FIGLA: variants seen among roughly 807,000 people sequenced by gnomAD.
FIGLA encodes the protein folliculogenesis specific bHLH transcription factor, also known as factor in the germline alpha.
A neutral mutation model predicts 21.5 loss-of-function variants in FIGLA; 17 were observed. The observed-to-expected ratio is 0.79, with a 90% CI of 0.54 to 1.19. The LOEUF (loss-of-function observed/expected upper bound fraction) is 1.19, where lower values mean the gene tolerates loss of function less well. Ranked by LOEUF, FIGLA falls within the 50% of genes most tolerant of loss-of-function variation. The pLI is 0.00. For missense variants in FIGLA, 282 were observed against 285.0 expected, an observed-to-expected ratio of 0.99 and a Z score of 0.08; for synonymous variants, 129 against 117.6, an observed-to-expected ratio of 1.10 and a Z score of -0.63.
At chr2:70,785,287 C>A (rs1464349614) in intron 3 of FIGLA, 128 bp downstream of exon 3, 4 of 827,898 alleles carry the variant, frequency 4.8e-6, no homozygotes, top group Non-Finnish European at 7.6e-6. Context: ...CCCCACTGCC[C>A]CACCCAAAGG....
Position 70,790,610 on chromosome 2 carries a change from G to C in FIGLA, c.29C>G (p.Pro10Arg), listed in dbSNP as rs1247413611. The change falls in exon 1 of 5, where the codon CCC becomes CGC. Residue 10 changes from proline to arginine, a missense_variant. Physicochemically the swap from Pro to Arg is moderately radical, Grantham distance 103. Coordinates refer to ENST00000332372, the MANE Select transcript of FIGLA (RefSeq NM_001004311.3). ...CAGGAGCGCGGGCGGCGCGGCGCGGGGATCTAGGACGCCGGGCGCGGGGTC... is the reference window on the plus strand; with the variant it reads ...CAGGAGCGCGGGCGGCGCGGCGCGGCGATCTAGGACGCCGGGCGCGGGGTC... MDPAPGVLD[P>R]RAAPPALLGT... is the part of the protein sequence containing the mutation. 1.4e-6 allele frequency: 2 copies of C among 1,457,710 alleles called. No individual in the cohort carries two copies. The highest frequency in any genetic ancestry group is 5.7e-5 in the East Asian group (2 of 34,908). The allele number at this position is 1,457,710 out of a possible 1,614,324, so 90.3% of individuals were successfully genotyped here.
intron 3 of FIGLA, among the ~76,000 whole-genome samples, chr2:70,780,174 A>G (rs1675829044): frequency 6.6e-6 from 1 of 152,048 alleles, no homozygotes; most frequent in Admixed American, 6.5e-5. Flanking sequence ...CATGCACTTC[A>G]TTTGGGACTT....
rs992297731 is a variant in FIGLA, at chr2:70,790,442, C to T, written c.197G>A (p.Arg66Gln). The change falls in exon 1 of 5, where the codon CGG becomes CAG. Residue 66 changes from arginine to glutamine, a missense_variant. Coordinates refer to ENST00000332372, the MANE Select transcript of FIGLA (RefSeq NM_001004311.3). Reference protein sequence around the residue: ...STENLQLVLERRRVANAKERE... With the variant: ...STENLQLVLEQRRVANAKERE... ...CTCCTTGGCGTTGGCCACACGCCGC[C>T]GCTCCAGCACCAACTGGAGGTTTTC... 1 of 1,544,158 alleles carries T rather than the reference C, an allele frequency of 6.5e-7. No homozygotes were observed.
At chr2:70,785,391 G>A in intron 3 of FIGLA, 24 bp downstream of exon 3, 1 of 1,549,410 alleles carries the variant, frequency 6.5e-7, no homozygotes, top group Non-Finnish European at 8.9e-7. Flanking sequence ...TATCTGTATG[G>A]GTATTTAAGA....
At chr2:70,787,925 G>A in intron 1 of FIGLA, 124 bp from the exon 2 acceptor site, 1 of 908,838 alleles carries the variant, frequency 1.1e-6, no homozygotes, top group East Asian at 2.6e-5. Flanking sequence ...ACAGGCATAT[G>A]CCCCAAAGAG....
intron 1 of FIGLA, 150 bp from the exon 2 acceptor site, chr2:70,787,951 C>T (rs919475279): frequency 1.5e-5 from 11 of 739,014 alleles, no homozygotes; most frequent in Non-Finnish European, 2.4e-5. Flanking sequence ...GCTCCACCAG[C>T]AGTGCAGTTC....
At chr2:70,786,636 A>T (rs1447187828) in intron 2 of FIGLA, among the ~76,000 whole-genome samples, 3 of 152,106 alleles carry the variant, frequency 2.0e-5, no homozygotes, top group African/African-American at 7.2e-5. Flanking sequence ...GAAGTTTGCC[A>T]CTTTCCTCTG....
At chr2:70,790,292 A>G in intron 1 of FIGLA, 116 bp downstream of exon 1, 5 of 1,059,078 alleles carry the variant, frequency 4.7e-6, no homozygotes, top group Non-Finnish European at 6.5e-6. Context: ...AGGCCTCGGG[A>G]GCTCGAAGTC....
At position 70,790,606 on chromosome 2, in the gene FIGLA, G is replaced by C; in HGVS notation, c.33C>G (p.Arg11=). 1 of 1,466,684 alleles carries C rather than the reference G, an allele frequency of 6.8e-7. No homozygotes were observed. Among genetic ancestry groups the C allele is most frequent in the South Asian group, 1.4e-5 (1 of 73,474 alleles). 90.9% of individuals were successfully genotyped at this position (1,466,684 alleles called of 1,614,324 possible). MDPAPGVLDP[R]AAPPALLGTP... ...TGCCCAGGAGCGCGGGCGGCGCGGC[G>C]CGGGGATCTAGGACGCCGGGCGCGG... The change falls in exon 1 of 5, where the codon CGC becomes CGG. Residue 11 remains arginine (R), a synonymous_variant. Coordinates refer to ENST00000332372, the MANE Select transcript of FIGLA (RefSeq NM_001004311.3).
intron 4 of FIGLA, 96 bp downstream of exon 4, chr2:70,777,541 A>C: frequency 1.3e-6 from 2 of 1,525,220 alleles, no homozygotes; most frequent in African/African-American, 1.4e-5. Flanking sequence ...CTTTTAATAG[A>C]GCTCATTGCT....
rs147858006 is a variant in FIGLA, at chr2:70,790,012, G to A, written c.231+396C>T. Reference sequence around the variant, plus strand: ...AGAGAGCAAGAAAAAGGAGCGAAGGGGATCCCTGCGCGTCCCAAGCACCCA... The same window carrying A: ...AGAGAGCAAGAAAAAGGAGCGAAGGAGATCCCTGCGCGTCCCAAGCACCCA... On this transcript the variant is annotated intron_variant, in intron 1 of 4. Transcript: ENST00000332372. Among the ~76,000 whole-genome samples the A allele has an allele frequency of 4.0e-3, 608 of 152,292 alleles. 9 individuals are homozygous for A. Among genetic ancestry groups the A allele is most frequent in the African/African-American group, 0.013 (561 of 41,564 alleles).
At chr2:70,784,942 C>CCA (rs1558598323) in intron 3 of FIGLA, among the ~76,000 whole-genome samples, 2 of 89,316 alleles carry the variant, frequency 2.2e-5, no homozygotes, top group African/African-American at 1.2e-4. Flanking sequence ...CCACCCCCCA[C>CCA]CACAAAAAAA....
intron 3 of FIGLA, among the ~76,000 whole-genome samples, chr2:70,779,375 T>C (rs1360762044): frequency 6.6e-6 from 1 of 152,174 alleles, no homozygotes; most frequent in Non-Finnish European, 1.5e-5. Context: ...ACCCATCACT[T>C]ACTGTGGTAG....
chr2:70,782,073 A>G lies in FIGLA; in HGVS notation c.609+3342T>C, dbSNP rs180973098. ...GTGAATCTATAATTACTTCCAAATT[A>G]CAGATTTGATAAATAAATATAGAAT... On this transcript the variant is annotated intron_variant, in intron 3 of 4. Coordinates refer to ENST00000332372, the MANE Select transcript of FIGLA (RefSeq NM_001004311.3). 3.7e-4 allele frequency among the ~76,000 whole-genome samples: 57 copies of G among 152,338 alleles called. 2 individuals are homozygous for G. The Middle Eastern group carries it at 0.014, about 36-fold the overall frequency.
At chr2:70,783,891 T>C (rs962738434) in intron 3 of FIGLA, among the ~76,000 whole-genome samples, 9 of 151,978 alleles carry the variant, frequency 5.9e-5, no homozygotes, top group Non-Finnish European at 1.2e-4. Flanking sequence ...CGTTTCACCA[T>C]GTTGGCCAGG....
chr2:70,777,666 T>A lies in FIGLA; in HGVS notation c.615A>T (p.Arg205Ser), dbSNP rs1675784628. 2 of 1,471,582 alleles carry A rather than the reference T, an allele frequency of 1.4e-6. No homozygotes were observed. Among genetic ancestry groups the A allele is most frequent in the East Asian group, 4.5e-5 (2 of 44,048 alleles). The allele number at this position is 1,471,582 out of a possible 1,614,324, so 91.2% of individuals were successfully genotyped here. ...GACTCAGCAGTTCTACTTCTGGGAA[T>A]CTATCCTGCAAAAACAATACAAAAT... ...EIISPTRSLDRFPEVELLSHR... is the reference protein window; with the variant it reads ...EIISPTRSLDSFPEVELLSHR... Residue 205 changes from arginine to serine, a missense_variant, in exon 4 of 5, where the codon AGA (arginine) becomes AGT (serine). Arg to Ser is a moderately radical substitution (Grantham distance 110, BLOSUM62 -1). Transcript: ENST00000332372.
intron 3 of FIGLA, among the ~76,000 whole-genome samples, chr2:70,783,667 TTAGA>T (rs1372412210): frequency 6.6e-6 from 1 of 152,084 alleles, no homozygotes; most frequent in African/African-American, 2.4e-5. Flanking sequence ...ATTACTCTTC[TTAGA>T]TAGTCAGGCT....
intron 3 of FIGLA, among the ~76,000 whole-genome samples, chr2:70,782,719 C>G (rs1675877221): frequency 6.6e-6 from 1 of 152,214 alleles, no homozygotes. Context: ...GTTCTTTGTA[C>G]TGCACCTGCA....
chr2:70,780,895 A>G (rs1391304142), intron 3 of FIGLA, among the ~76,000 whole-genome samples: 5 of 152,156 alleles, frequency 3.3e-5, no homozygotes, highest in Non-Finnish European at 7.3e-5. Flanking sequence ...GATGAGGGGC[A>G]TATTCACATG....
Sources: allele counts gnomAD v4.1 joint callset (sites outside exome capture counted in the v4.1 genomes callset), GRCh38; gene constraint gnomAD v4.1.1; transcripts MANE v1.5; gene names NCBI Gene and HGNC (gene_info 2026-07-23, HGNC 2026-07-21).